SIDT1: variants seen among roughly 807,000 people sequenced by gnomAD.
SIDT1 encodes the protein SID1 transmembrane family member 1.
A neutral mutation model predicts 107.5 loss-of-function variants in SIDT1; 101 were observed. The observed-to-expected ratio is 0.94, with a 90% CI of 0.80 to 1.11. SIDT1 has a LOEUF of 1.11. Among genes scored for constraint, SIDT1 ranks in the 50% least tolerant of loss-of-function variants. The probability of loss-of-function intolerance (pLI) is 0.00; values close to 1 mark genes in which losing one functional copy is unlikely to be tolerated. For synonymous variants in SIDT1, 395 were observed against 398.2 expected (o/e 0.99, Z 0.10); for missense variants, 1,076 against 1,058.2 (o/e 1.02, Z -0.23).
chr3:113,536,401 C>T lies in SIDT1; in HGVS notation c.222+3158C>T, dbSNP rs187839322. Among the ~76,000 whole-genome samples, 6 of 152,294 alleles carry T rather than the reference C, an allele frequency of 3.9e-5. No individual in the cohort carries two copies. The East Asian group carries it at 1.2e-3, about 29-fold the overall frequency. On this transcript the variant is annotated intron_variant, in intron 1 of 24. Coordinates refer to ENST00000264852, the MANE Select transcript of SIDT1 (RefSeq NM_017699.3). Reference sequence around the variant, plus strand: ...GTCTTTCTAGCCTGCAGGGTCATTGCCCACCTCCCCTCTTCAGTGCAACAA... The same window carrying T: ...GTCTTTCTAGCCTGCAGGGTCATTGTCCACCTCCCCTCTTCAGTGCAACAA...
chr3:113,550,354 G>A (rs2614191), intron 1 of SIDT1, among the ~76,000 whole-genome samples: 29,042 of 152,082 alleles, frequency 0.19, 2,893 homozygotes, highest in East Asian at 0.21. Flanking sequence ...TGTTCTTTAC[G>A]TTCTGATTCA....
intron 4 of SIDT1, among the ~76,000 whole-genome samples, chr3:113,579,477 T>C (rs1256035654): frequency 1.3e-5 from 2 of 152,156 alleles, no homozygotes; most frequent in Non-Finnish European, 2.9e-5. Flanking sequence ...CTGTATTATA[T>C]GTATTTGAGT....
At chr3:113,598,309 T>C (rs1944717301) in intron 10 of SIDT1, among the ~76,000 whole-genome samples, 3 of 152,260 alleles carry the variant, frequency 2.0e-5, no homozygotes, top group Admixed American at 1.3e-4. Context: ...AACAAAACAC[T>C]GATTGTTTTT....
chr3:113,558,847 A>G (rs1265376940), intron 1 of SIDT1, among the ~76,000 whole-genome samples: 1 of 152,220 alleles, frequency 6.6e-6, no homozygotes, highest in Non-Finnish European at 1.5e-5. Flanking sequence ...TTTGATGTTT[A>G]TCATTTCTGA....
rs143220161 is a variant in SIDT1 at position 113,596,340 on chromosome 3, G to A, written c.1045+3292G>A. Among the ~76,000 whole-genome samples, 696 of 152,312 alleles carry A rather than the reference G, an allele frequency of 4.6e-3. 8 individuals are homozygous for A. The highest frequency in any genetic ancestry group is 0.016 in the African/African-American group (652 of 41,558). ...AAGGATGCACTCAGAAAATCTGTGC[G>A]CTACTCTGCATTTGTTTTTCTTTGA... On this transcript the variant is annotated intron_variant, in intron 10 of 24. Coordinates refer to ENST00000264852, the MANE Select transcript of SIDT1 (RefSeq NM_017699.3).
intron 10 of SIDT1, among the ~76,000 whole-genome samples, chr3:113,597,643 C>G (rs1463832718): frequency 6.6e-6 from 1 of 151,964 alleles, no homozygotes; most frequent in Non-Finnish European, 1.5e-5. Flanking sequence ...CAAACATGCT[C>G]AAAATGAAAT....
intron 3 of SIDT1, among the ~76,000 whole-genome samples, chr3:113,568,526 G>A (rs1018843507): frequency 1.7e-4 from 25 of 151,334 alleles, no homozygotes; most frequent in Admixed American, 9.9e-4. Flanking sequence ...CCTGGGAGGC[G>A]GAGCTTGCAG....
At chr3:113,594,357 TTA>T (rs1264039704) in intron 10 of SIDT1, among the ~76,000 whole-genome samples, 3 of 152,194 alleles carry the variant, frequency 2.0e-5, no homozygotes, top group Non-Finnish European at 4.4e-5. Flanking sequence ...CGTCAGATGT[TTA>T]AATGAATTTG....
At chr3:113,538,885 A>T (rs1003841360) in intron 1 of SIDT1, among the ~76,000 whole-genome samples, 2 of 152,232 alleles carry the variant, frequency 1.3e-5, no homozygotes, top group African/African-American at 4.8e-5. Context: ...GTGGTATGGT[A>T]TATTTCTTCC....
intron 9 of SIDT1, among the ~76,000 whole-genome samples, chr3:113,592,062 T>C (rs1576881539): frequency 6.6e-6 from 1 of 152,316 alleles, no homozygotes; most frequent in East Asian, 1.9e-4. Flanking sequence ...GTAATATAAT[T>C]CATTTTTAAT....
intron 10 of SIDT1, among the ~76,000 whole-genome samples, chr3:113,599,269 A>G (rs915815485): frequency 6.6e-6 from 1 of 152,268 alleles, no homozygotes; most frequent in East Asian, 1.9e-4. Flanking sequence ...GCAATAAACT[A>G]AACAGAAAGA....
chr3:113,553,908 G>A lies in SIDT1; in HGVS notation c.223-12512G>A, dbSNP rs570460655. Among the ~76,000 whole-genome samples the A allele has an allele frequency of 2.0e-4, 30 of 152,326 alleles. 1 individual carries two copies. In the Middle Eastern group the frequency reaches 0.01, roughly 52 times the overall value. On this transcript the variant is annotated intron_variant, in intron 1 of 24. Transcript: ENST00000264852. ...TAAAAATACAAAAAATTCGCTGGGC[G>A]TAGTGGTGCATGCCTGTAACCCCAG...
At position 113,542,902 on chromosome 3, in the gene SIDT1, T is replaced by TTGTGTG. The variant is rs71625216; in HGVS notation, c.222+9691_222+9696dup. 2.4e-3 allele frequency among the ~76,000 whole-genome samples: 354 copies of TTGTGTG among 145,224 alleles called. 2 individuals are homozygous for TTGTGTG. The highest frequency in any genetic ancestry group is 6.2e-3 in the African/African-American group (241 of 39,152). On this transcript the variant is annotated intron_variant, in intron 1 of 24. Transcript: ENST00000264852. The stretch of plus-strand genomic sequence containing the variant: ...AGACTTTTAATTAGTTTTTGCTTGG[T>TTGTGTG]TGTGTGTGTGTGTGTGTGTGTGTGT...
intron 6 of SIDT1, among the ~76,000 whole-genome samples, chr3:113,582,174 T>G (rs1194999518): frequency 6.6e-6 from 1 of 152,232 alleles, no homozygotes; most frequent in South Asian, 2.1e-4. Flanking sequence ...GTACAGCAGC[T>G]TATCTTATGA....
At position 113,612,087 on chromosome 3, in the gene SIDT1, T is replaced by G; in HGVS notation, c.1859T>G (p.Val620Gly). 2.5e-6 allele frequency: 4 copies of G among 1,613,066 alleles called. No individual in the cohort carries two copies. In the South Asian group the frequency reaches 3.3e-5, roughly 13 times the overall value. ...VVIMVTVLGV[V>G]FGKNDVWFWV... ...GGTAACTTCCATCTTTACTCCTAGG[T>G]GTTTGGAAAAAATGACGTATGGTTC... Residue 620 changes from valine (V) to glycine (G), a missense_variant and splice_region_variant, in exon 19 of 25, where the codon GTG becomes GGG. Val to Gly is a moderately radical substitution (Grantham distance 109). Coordinates refer to ENST00000264852, the MANE Select transcript of SIDT1 (RefSeq NM_017699.3).
rs117234742 is a variant in SIDT1 at position 113,587,586 on chromosome 3, G to A, written c.1001+2316G>A. ...CTCTTCCATTTACTAAAAGAAAACAGCATATGATACATTTGAAAGAAAGCA... is the reference window on the plus strand; with the variant it reads ...CTCTTCCATTTACTAAAAGAAAACAACATATGATACATTTGAAAGAAAGCA... On this transcript the variant is annotated intron_variant, in intron 9 of 24. Coordinates refer to ENST00000264852, the MANE Select transcript of SIDT1 (RefSeq NM_017699.3). Among the ~76,000 whole-genome samples, 294 of 152,264 alleles carry A rather than the reference G, an allele frequency of 1.9e-3. 7 individuals are homozygous for A. The East Asian group carries it at 0.049, about 26-fold the overall frequency.
intron 20 of SIDT1, among the ~76,000 whole-genome samples, chr3:113,616,749 C>T (rs956484534): frequency 9.3e-5 from 14 of 150,294 alleles, no homozygotes; most frequent in South Asian, 4.2e-4. Flanking sequence ...AGTGCAGTGG[C>T]GCGATCTTGG....
At chr3:113,577,300 C>T (rs939308245) in intron 4 of SIDT1, among the ~76,000 whole-genome samples, 126 of 152,182 alleles carry the variant, frequency 8.3e-4, no homozygotes, top group African/African-American at 2.8e-3. Flanking sequence ...AGGTTAAGAA[C>T]GGAGAGACAC....
chr3:113,580,267 C>G (rs1943225090), intron 4 of SIDT1, among the ~76,000 whole-genome samples: 1 of 152,186 alleles, frequency 6.6e-6, no homozygotes, highest in African/African-American at 2.4e-5. Context: ...TTATATCTCA[C>G]TTACCCTTAA....
Sources: allele counts gnomAD v4.1 joint callset (sites outside exome capture counted in the v4.1 genomes callset), GRCh38; gene constraint gnomAD v4.1.1; transcripts MANE v1.5; gene names NCBI Gene and HGNC (gene_info 2026-07-23, HGNC 2026-07-21).